The following PPP3CC variants were observed in gnomAD, a reference collection of about 807,000 sequenced individuals.
PPP3CC encodes the protein protein phosphatase 3 catalytic subunit gamma.
Under a neutral mutation model 60.3 loss-of-function variants are expected in PPP3CC, and 35 were observed. That is an observed-to-expected ratio of 0.58 (90% CI 0.44 to 0.77). The LOEUF is 0.77. Among genes scored for constraint, PPP3CC ranks in the 30% least tolerant of loss-of-function variants. PPP3CC has a pLI of 0.00. For synonymous variants in PPP3CC, 206 were observed against 224.3 expected, an observed-to-expected ratio of 0.92 and a Z score of 0.73; for missense variants, 570 against 628.9, an observed-to-expected ratio of 0.91 and a Z score of 1.00.
intron 3 of PPP3CC, among the ~76,000 whole-genome samples, chr8:22,485,097 T>C (rs1479512550): frequency 2.0e-5 from 3 of 152,196 alleles, no homozygotes; most frequent in Non-Finnish European, 4.4e-5. Flanking sequence ...CCTTACGATG[T>C]TTGAACATGT....
chr8:22,522,957 G>A (rs1839447458), intron 8 of PPP3CC: 13 of 491,866 alleles, frequency 2.6e-5, no homozygotes, highest in Non-Finnish European at 4.6e-5. Context: ...GCTTCTTTGT[G>A]AGTATAAATA....
intron 1 of PPP3CC, among the ~76,000 whole-genome samples, chr8:22,466,666 G>A (rs1226352013): frequency 3.3e-5 from 5 of 152,120 alleles, no homozygotes; most frequent in Admixed American, 6.5e-5. Context: ...ACTTTCTGAT[G>A]GGGTTGTTTT....
At position 22,441,328 on chromosome 8, in the gene PPP3CC, G is replaced by T; in HGVS notation, c.-82G>T. ...CTGGCTGACGGCTCCGGGCAGCTAA[G>T]GCTGCCCGAGGAGAAGGCGGCGGCC... On this transcript the variant is annotated 5_prime_UTR_variant, in exon 1 of 14. It adds an upstream start codon to the 5' untranslated region. Transcript: ENST00000240139. The T allele has an allele frequency of 7.1e-7, 1 of 1,408,868 alleles. No individual in the cohort carries two copies. The highest frequency in any genetic ancestry group is 9.5e-7 in the Non-Finnish European group (1 of 1,054,212). The allele number at this position is 1,408,868 out of a possible 1,614,324, so 87.3% of individuals were successfully genotyped here.
intron 4 of PPP3CC, among the ~76,000 whole-genome samples, chr8:22,503,550 G>C (rs943794890): frequency 6.6e-6 from 1 of 151,874 alleles, no homozygotes; most frequent in African/African-American, 2.4e-5. Flanking sequence ...ATTTTTATGG[G>C]TATATAGTAG....
intron 1 of PPP3CC, among the ~76,000 whole-genome samples, chr8:22,458,223 C>G (rs575326892): frequency 6.6e-6 from 1 of 152,284 alleles, no homozygotes; most frequent in African/African-American, 2.4e-5. Flanking sequence ...AATTACTGCT[C>G]TAGTATTTTT....
intron 1 of PPP3CC, among the ~76,000 whole-genome samples, chr8:22,451,007 C>CT (rs532339719): frequency 0.13 from 17,363 of 131,868 alleles, 3,104 homozygotes; most frequent in African/African-American, 0.41. Flanking sequence ...GCTAATTTTT[C>CT]TTTTTTTTTT....
intron 4 of PPP3CC, among the ~76,000 whole-genome samples, chr8:22,509,173 T>A (rs1444784530): frequency 6.6e-6 from 1 of 152,212 alleles, no homozygotes; most frequent in Non-Finnish European, 1.5e-5. Flanking sequence ...TCTCTCTTAA[T>A]CATTCCTGCC....
At chr8:22,535,728 A>T (rs996388980) in intron 12 of PPP3CC, among the ~76,000 whole-genome samples, 1 of 151,854 alleles carries the variant, frequency 6.6e-6, no homozygotes, top group South Asian at 2.1e-4. Context: ...ACAGGGACAA[A>T]CCCATTTTTT....
intron 6 of PPP3CC, among the ~76,000 whole-genome samples, chr8:22,517,099 A>G (rs1275783216): frequency 1.3e-5 from 2 of 152,232 alleles, no homozygotes; most frequent in African/African-American, 2.4e-5. Flanking sequence ...TTGCAGCAAC[A>G]TTATAGAATG....
At chr8:22,535,530 G>T (rs971817847) in intron 12 of PPP3CC, among the ~76,000 whole-genome samples, 52 of 150,554 alleles carry the variant, frequency 3.5e-4, no homozygotes, top group Non-Finnish European at 1.9e-4. Context: ...AGACAGAGTT[G>T]CCCAGGCTAG....
At chr8:22,451,578 C>T (rs989216283) in intron 1 of PPP3CC, among the ~76,000 whole-genome samples, 8 of 152,172 alleles carry the variant, frequency 5.3e-5, no homozygotes, top group Non-Finnish European at 1.2e-4. Flanking sequence ...GTAATCAAAA[C>T]CTGGGGACAT....
Position 22,441,477 on chromosome 8 carries a change from CT to C in PPP3CC, c.49+21del. ...ATCAAAGGTGCCTGGCGGGCCGGGC[CT>C]TCCTCTGGGACCCGCGGGAAACGGC... On this transcript the variant is annotated intron_variant, in intron 1 of 13. Coordinates refer to ENST00000240139, the MANE Select transcript of PPP3CC (RefSeq NM_005605.5). 6.6e-7 allele frequency: 1 copy of C among 1,526,378 alleles called. No individual in the cohort carries two copies. Among genetic ancestry groups the C allele is most frequent in the Admixed American group, 2.0e-5 (1 of 48,794 alleles). The allele number at this position is 1,526,378 out of a possible 1,614,324, so 94.6% of individuals were successfully genotyped here.
intron 4 of PPP3CC, among the ~76,000 whole-genome samples, chr8:22,505,320 C>T (rs1246683175): frequency 1.3e-5 from 2 of 152,072 alleles, no homozygotes; most frequent in Admixed American, 6.6e-5. Flanking sequence ...CCACCATGCC[C>T]GGCCCTTCCA....
intron 4 of PPP3CC, among the ~76,000 whole-genome samples, chr8:22,501,844 T>C (rs1838771292): frequency 6.6e-6 from 1 of 152,118 alleles, no homozygotes; most frequent in South Asian, 2.1e-4. Context: ...AGACCTCCTC[T>C]CTGCCAAAAA....
At chr8:22,455,683 ATTAC>A (rs1292309474) in intron 1 of PPP3CC, among the ~76,000 whole-genome samples, 1 of 152,184 alleles carries the variant, frequency 6.6e-6, no homozygotes, top group African/African-American at 2.4e-5. Flanking sequence ...GGTGGTGGTT[ATTAC>A]TTAGTTGGTT....
intron 1 of PPP3CC, among the ~76,000 whole-genome samples, chr8:22,464,160 G>GT (rs139331173): frequency 2.5e-4 from 37 of 150,914 alleles, no homozygotes; most frequent in Non-Finnish European, 4.3e-4. Flanking sequence ...GATTTGTGAG[G>GT]TTTTTTTTTC....
intron 3 of PPP3CC, among the ~76,000 whole-genome samples, chr8:22,489,414 C>G (rs1165527929): frequency 6.6e-6 from 1 of 151,276 alleles, no homozygotes; most frequent in African/African-American, 2.4e-5. Flanking sequence ...CATGCTTCTA[C>G]TGTATTTAAT....
At chr8:22,452,306 T>G (rs1183315672) in intron 1 of PPP3CC, among the ~76,000 whole-genome samples, 2 of 152,118 alleles carry the variant, frequency 1.3e-5, no homozygotes, top group African/African-American at 4.8e-5. Context: ...AGAGCTGGGA[T>G]TACAGGCATG....
chr8:22,476,888 C>A lies in PPP3CC; in HGVS notation c.372+1264C>A, dbSNP rs1056559083. On this transcript the variant is annotated intron_variant, in intron 3 of 13. Transcript: ENST00000240139. ...CGGAGCTTGCAGTGAGCTGAGATCACGCCTCTGCACTCCAGCCTGGGCGAC... is the reference window on the plus strand; with the variant it reads ...CGGAGCTTGCAGTGAGCTGAGATCAAGCCTCTGCACTCCAGCCTGGGCGAC... Among the ~76,000 whole-genome samples, 3 of 149,464 alleles carry A rather than the reference C, an allele frequency of 2.0e-5. No homozygotes were observed. The Admixed American group carries it at 2.0e-4, about 10-fold the overall frequency.
Sources: allele counts gnomAD v4.1 joint callset (sites outside exome capture counted in the v4.1 genomes callset), GRCh38; gene constraint gnomAD v4.1.1; transcripts MANE v1.5; gene names NCBI Gene and HGNC (gene_info 2026-07-23, HGNC 2026-07-21).